The following CPEB2 variants were observed in gnomAD, a reference collection of about 807,000 sequenced individuals.
CPEB2 encodes cytoplasmic polyadenylation element-binding protein 2.
A neutral mutation model predicts 93.6 loss-of-function variants in CPEB2; 56 were observed. The observed-to-expected ratio is 0.60, with a 90% CI of 0.48 to 0.75. CPEB2 has a LOEUF of 0.75. Among genes scored for constraint, CPEB2 ranks in the 30% least tolerant of loss-of-function variants. CPEB2 has a pLI of 0.00. For synonymous variants in CPEB2, 764 were observed against 586.3 expected (o/e 1.30, Z -4.38); for missense variants, 1,579 against 1,395.1 (o/e 1.13, Z -2.10).
At chr4:15,030,736 G>A (rs549785807) in intron 4 of CPEB2, among the ~76,000 whole-genome samples, 6 of 152,030 alleles carry the variant, frequency 3.9e-5, no homozygotes, top group Admixed American at 2.6e-4. Context: ...CTTAGGTAGC[G>A]AGCTGTAGTA....
chr4:15,058,569 A>G lies in CPEB2; in HGVS notation c.2580+30A>G. 3.2e-6 allele frequency: 4 copies of G among 1,260,250 alleles called. No individual in the cohort carries two copies. The African/African-American group carries it at 4.5e-5, about 14-fold the overall frequency. 78.1% of individuals were successfully genotyped at this position (1,260,250 alleles called of 1,614,324 possible). On this transcript the variant is annotated intron_variant, in intron 9 of 11. Transcript: ENST00000538197. ...GTAAATACCACATGAACTTCAGGCT[A>G]CAAATGCAAATTTTTCAAAAATTGT...
intron 6 of CPEB2, among the ~76,000 whole-genome samples, chr4:15,041,427 A>C (rs1362197525): frequency 5.4e-5 from 8 of 149,134 alleles, no homozygotes; most frequent in Non-Finnish European, 1.2e-4. Context: ...TTTGAGACGG[A>C]GTTTCGCTCT....
intron 4 of CPEB2, among the ~76,000 whole-genome samples, chr4:15,019,663 A>G (rs1724598917): frequency 6.6e-6 from 1 of 152,108 alleles, no homozygotes. Flanking sequence ...TATCCTTTTT[A>G]AATGCTGTTT....
At chr4:15,063,742 G>C (rs1421266960) in intron 11 of CPEB2, 1 of 152,076 alleles carries the variant, frequency 6.6e-6, no homozygotes, top group South Asian at 2.1e-4. Flanking sequence ...TTATAGTGAA[G>C]GACCGATTAT....
rs1157193598 is a variant in CPEB2, at chr4:15,003,243, T to G, written c.570T>G (p.Pro190=). The G allele has an allele frequency of 5.3e-6, 8 of 1,517,494 alleles. No homozygotes were observed. In the East Asian group the frequency reaches 1.3e-4, roughly 24 times the overall value. The allele number at this position is 1,517,494 out of a possible 1,614,324, so 94.0% of individuals were successfully genotyped here. A position where few individuals can be genotyped will look rare whatever the true frequency, so the allele number is the denominator to read the frequency against. ...TCAGCCCTCCCCACCTTCCCCACCC[T>G]CCGGACTCGAAGCCGCCGCCGCCGC... ...KEFSPPHLPH[P]PDSKPPPPPP... The change falls in exon 1 of 12, where the codon CCT becomes CCG. Residue 190 remains proline (P), a synonymous_variant. Transcript: ENST00000538197.
chr4:15,042,812 A>G (rs1036157831), intron 6 of CPEB2, among the ~76,000 whole-genome samples: 7 of 152,116 alleles, frequency 4.6e-5, no homozygotes, highest in African/African-American at 1.7e-4. Flanking sequence ...GTTTTTTCCT[A>G]TTCCATGCTA....
Position 15,004,334 on chromosome 4 carries a change from A to C in CPEB2, c.1661A>C (p.Gln554Pro), listed in dbSNP as rs1722482621. The C allele has an allele frequency of 1.4e-6, 2 of 1,445,474 alleles. No individual in the cohort carries two copies. Among genetic ancestry groups the C allele is most frequent in the Non-Finnish European group, 1.8e-6 (2 of 1,108,080 alleles). The allele number at this position is 1,445,474 out of a possible 1,614,324, so 89.5% of individuals were successfully genotyped here. Reference sequence around the variant, plus strand: ...CAGAGGAACTCCTATAACCACCACCAGGTACGGCGGGCGGCGGCCTGGCCG... The same window carrying C: ...CAGAGGAACTCCTATAACCACCACCCGGTACGGCGGGCGGCGGCCTGGCCG... ...LQQRNSYNHH[Q>P]PLLKQSPWSN... The change falls in exon 1 of 12, where the codon CAG (glutamine) becomes CCG (proline). Residue 554 changes from glutamine to proline, a missense_variant and splice_region_variant. Coordinates refer to ENST00000538197, the MANE Select transcript of CPEB2 (RefSeq NM_001177382.2).
chr4:15,054,353 A>G (rs1187391693), intron 8 of CPEB2, 136 bp downstream of exon 8: 18 of 671,212 alleles, frequency 2.7e-5, no homozygotes, highest in Non-Finnish European at 4.4e-5. Flanking sequence ...CAGATCAACA[A>G]ATGTTTGAGT....
intron 6 of CPEB2, among the ~76,000 whole-genome samples, chr4:15,046,596 T>G (rs1394511736): frequency 1.3e-5 from 2 of 152,184 alleles, no homozygotes; most frequent in African/African-American, 4.8e-5. Context: ...ATTTGCAGTT[T>G]CCTGATGACT....
At chr4:15,025,503 T>C (rs1031415576) in intron 4 of CPEB2, among the ~76,000 whole-genome samples, 7 of 151,962 alleles carry the variant, frequency 4.6e-5, no homozygotes, top group African/African-American at 1.7e-4. Context: ...CTAGTAATGA[T>C]TGTAATAAGT....
chr4:15,038,573 C>A (rs1726859657), intron 5 of CPEB2, among the ~76,000 whole-genome samples: 1 of 150,626 alleles, frequency 6.6e-6, no homozygotes, highest in Non-Finnish European at 1.5e-5. Flanking sequence ...ATTCACTCTT[C>A]TGTAGTCTAT....
At position 15,002,979 on chromosome 4, in the gene CPEB2, A is replaced by G. The variant is rs1185914411; in HGVS notation, c.306A>G (p.Thr102=). ...TMQDELLLGL[T]QQPARPLSGA... is the part of the protein sequence containing the mutation. ...AGGATGAGCTGCTTCTGGGGCTGAC[A>G]CAGCAGCCGGCGCGGCCGCTTTCGG... The change falls in exon 1 of 12, where the codon ACA becomes ACG. Residue 102 remains threonine, a synonymous_variant. Transcript: ENST00000538197. The G allele has an allele frequency of 1.1e-5, 16 of 1,504,822 alleles. No individual in the cohort carries two copies. The highest frequency in any genetic ancestry group is 2.5e-5 in the East Asian group (1 of 40,236). The allele number at this position is 1,504,822 out of a possible 1,614,324, so 93.2% of individuals were successfully genotyped here.
intron 10 of CPEB2, among the ~76,000 whole-genome samples, chr4:15,061,697 A>G (rs969990607): frequency 2.0e-5 from 3 of 149,392 alleles, no homozygotes; most frequent in African/African-American, 7.4e-5. Context: ...ATTATAGTGT[A>G]CTTGGGAAAA....
In CPEB2 at chr4:15,014,375, A is replaced by G. The variant is rs1397230417; in HGVS notation, c.2035-2813A>G. On this transcript the variant is annotated intron_variant, in intron 3 of 11. Transcript: ENST00000538197. ...ACTCTTAGAACCTTCATGATATGGC[A>G]CACCTGCAGAGGGATTTTTTGCTTA... 2.7e-5 allele frequency among the ~76,000 whole-genome samples: 4 copies of G among 149,254 alleles called. No individual in the cohort carries two copies. In the East Asian group the frequency reaches 7.8e-4, roughly 29 times the overall value.
chr4:15,028,883 A>G (rs890110446), intron 4 of CPEB2, among the ~76,000 whole-genome samples: 3 of 152,248 alleles, frequency 2.0e-5, no homozygotes, highest in Non-Finnish European at 2.9e-5. Context: ...TAAAGAAGTG[A>G]TAAGTTTTAT....
chr4:15,025,652 G>C, intron 4 of CPEB2, among the ~76,000 whole-genome samples: 1 of 151,328 alleles, frequency 6.6e-6, no homozygotes, highest in South Asian at 2.1e-4. Context: ...AACCCAGGAG[G>C]GTTCTTTTAA....
rs73118167 is a variant in CPEB2, at chr4:15,030,309, A to G, written c.2126-2852A>G. On this transcript the variant is annotated intron_variant, in intron 4 of 11. Transcript: ENST00000538197. ...AGTAATTATTAAGATAGCGATTAAG[A>G]GTATGGAGCCAAACTGCTTAGGTTC... Among the ~76,000 whole-genome samples, 754 of 152,230 alleles carry G rather than the reference A, an allele frequency of 5.0e-3. 11 individuals are homozygous for G. The highest frequency in any genetic ancestry group is 0.042 in the South Asian group (204 of 4,828).
At chr4:15,029,224 T>G (rs1474705014) in intron 4 of CPEB2, among the ~76,000 whole-genome samples, 1 of 152,128 alleles carries the variant, frequency 6.6e-6, no homozygotes, top group African/African-American at 2.4e-5. Context: ...TGGAACATTT[T>G]GGAATTTTTT....
chr4:15,061,359 T>A (rs1458912003), intron 10 of CPEB2, among the ~76,000 whole-genome samples: 1 of 151,974 alleles, frequency 6.6e-6, no homozygotes, highest in Non-Finnish European at 1.5e-5. Flanking sequence ...TCAGAAGAAA[T>A]GTATCAGTGA....
Sources: allele counts gnomAD v4.1 joint callset (sites outside exome capture counted in the v4.1 genomes callset), GRCh38; gene constraint gnomAD v4.1.1; transcripts MANE v1.5; gene names NCBI Gene and HGNC (gene_info 2026-07-23, HGNC 2026-07-21).